EDA: variants seen among roughly 807,000 people sequenced by gnomAD.
EDA encodes the protein ectodysplasin A, also known as ectodysplasin-A.
EDA carries 2 observed loss-of-function variants against 23.6 expected under a neutral mutation model. That is an observed-to-expected ratio of 0.08 (90% confidence interval 0.03 to 0.27). EDA has a LOEUF of 0.27. Among genes scored for constraint, EDA ranks in the 10% least tolerant of loss-of-function variants. EDA has a pLI of 1.00. For synonymous variants in EDA, 131 were observed against 132.0 expected, an observed-to-expected ratio of 0.99 and a Z score of 0.05; for missense variants, 229 against 324.2, an observed-to-expected ratio of 0.71 and a Z score of 2.26.
At chrX:69,728,243 CAA>C (rs71895672) in intron 1 of EDA, among the ~76,000 whole-genome samples, 2 of 92,083 alleles carry the variant, frequency 2.2e-5, no homozygotes, top group African/African-American at 8.0e-5. Context: ...GACTCCATCT[CAA>C]AAAAAAAAAA....
intron 6 of EDA, among the ~76,000 whole-genome samples, chrX:70,031,378 TC>T (rs1477374344): frequency 9.0e-6 from 1 of 111,583 alleles, no homozygotes; most frequent in East Asian, 2.8e-4. Flanking sequence ...TTCATTTTCT[TC>T]CCCCAAAGAA....
intron 1 of EDA, among the ~76,000 whole-genome samples, chrX:69,666,226 T>C (rs892367682): frequency 1.7e-4 from 19 of 112,421 alleles, no homozygotes; most frequent in Middle Eastern, 4.2e-3. Flanking sequence ...ACATATAAGA[T>C]CATCTCATCT....
At chrX:69,699,777 G>A (rs753392992) in intron 1 of EDA, among the ~76,000 whole-genome samples, 106 of 110,494 alleles carry the variant, frequency 9.6e-4, no homozygotes, top group African/African-American at 2.8e-3. Flanking sequence ...AGAGCCTTAC[G>A]GAGTAGACGG....
chrX:69,834,048 C>T (rs760765758), intron 1 of EDA, among the ~76,000 whole-genome samples: 6 of 104,514 alleles, frequency 5.7e-5, no homozygotes, highest in Admixed American at 1.1e-4. Context: ...TGAGAACATA[C>T]GATGTTTGGT....
chrX:69,996,512 T>C (rs745848129), intron 2 of EDA, among the ~76,000 whole-genome samples: 2 of 112,364 alleles, frequency 1.8e-5, no homozygotes, highest in Non-Finnish European at 3.8e-5. Context: ...TACATCCCCA[T>C]AAGAGGTCCA....
intron 2 of EDA, among the ~76,000 whole-genome samples, chrX:70,000,945 G>T (rs2019732489): frequency 8.9e-6 from 1 of 111,751 alleles, no homozygotes; most frequent in Admixed American, 9.6e-5. Context: ...ACAAAGTTCT[G>T]CTGAGTATAA....
At chrX:69,712,187 A>G (rs1222675157) in intron 1 of EDA, among the ~76,000 whole-genome samples, 1 of 110,714 alleles carries the variant, frequency 9.0e-6, no homozygotes, top group Non-Finnish European at 1.9e-5. Flanking sequence ...AGATTCTGGT[A>G]TGTTTTGTCT....
chrX:69,657,121 G>A (rs927670954), intron 1 of EDA, among the ~76,000 whole-genome samples: 5 of 112,051 alleles, frequency 4.5e-5, no homozygotes, highest in South Asian at 3.7e-4. Flanking sequence ...CACCAACAGT[G>A]TATAAGTGTT....
In EDA at chrX:69,631,600, A is replaced by G. The variant is rs996326240; in HGVS notation, c.396+14896A>G. Among the ~76,000 whole-genome samples the G allele has an allele frequency of 5.7e-5, 6 of 105,888 alleles. No individual in the cohort carries two copies. In the South Asian group the frequency reaches 2.6e-3, roughly 45 times the overall value. The allele number at this position is 105,888 out of a possible 115,157, so 92.0% of individuals were successfully genotyped here. A position where few individuals can be genotyped will look rare whatever the true frequency, so the allele number is the denominator to read the frequency against. ...ACTGCACATTCCTACCTTCATTGCC[A>G]CTGTGTCATTCCCCCTGTTAAAATC... On this transcript the variant is annotated intron_variant, in intron 1 of 7. Coordinates refer to ENST00000374552, the MANE Select transcript of EDA (RefSeq NM_001399.5).
chrX:69,783,020 G>C (rs989294942), intron 1 of EDA, among the ~76,000 whole-genome samples: 1 of 111,764 alleles, frequency 8.9e-6, no homozygotes, highest in African/African-American at 3.2e-5. Flanking sequence ...CAGAATGTGA[G>C]TCTTGTTTTG....
intron 1 of EDA, among the ~76,000 whole-genome samples, chrX:69,703,468 A>G (rs1416062471): frequency 8.9e-6 from 1 of 112,002 alleles, no homozygotes; most frequent in Non-Finnish European, 1.9e-5. Flanking sequence ...ATCTGTTCTA[A>G]TCCCGAGAGC....
intron 1 of EDA, among the ~76,000 whole-genome samples, chrX:69,944,804 A>G (rs2018811243): frequency 8.9e-6 from 1 of 111,754 alleles, no homozygotes; most frequent in African/African-American, 3.3e-5. Flanking sequence ...TAGAACCCCA[A>G]AGCACTTTAG....
chrX:69,654,402 A>G (rs1228104658), intron 1 of EDA, among the ~76,000 whole-genome samples: 1 of 111,315 alleles, frequency 9.0e-6, no homozygotes, highest in South Asian at 3.8e-4. Flanking sequence ...TTCCTCAGGG[A>G]TCTAGAACTA....
intron 1 of EDA, among the ~76,000 whole-genome samples, chrX:69,694,957 C>T (rs753908815): frequency 1.6e-4 from 18 of 112,093 alleles, no homozygotes; most frequent in African/African-American, 4.9e-4. Context: ...TCTGGAAAAT[C>T]CCAAAGTTAA....
intron 1 of EDA, among the ~76,000 whole-genome samples, chrX:69,852,094 C>T (rs1264851178): frequency 9.0e-6 from 1 of 111,675 alleles, no homozygotes; most frequent in Non-Finnish European, 1.9e-5. Context: ...CTTTGTGTGC[C>T]CTCCTTCACG....
intron 1 of EDA, among the ~76,000 whole-genome samples, chrX:69,862,129 G>A (rs2017396137): frequency 9.0e-6 from 1 of 111,413 alleles, no homozygotes; most frequent in African/African-American, 3.3e-5. Flanking sequence ...AGATTTGACT[G>A]GGGCTAGAGG....
At chrX:69,712,523 AC>A (rs1293470811) in intron 1 of EDA, among the ~76,000 whole-genome samples, 1 of 111,511 alleles carries the variant, frequency 9.0e-6, no homozygotes, top group Non-Finnish European at 1.9e-5. Flanking sequence ...ACCATCTCAC[AC>A]CAATTAGAAT....
At chrX:69,929,834 A>G (rs774415087) in intron 1 of EDA, among the ~76,000 whole-genome samples, 3 of 108,123 alleles carry the variant, frequency 2.8e-5, no homozygotes, top group South Asian at 8.3e-4. Context: ...CACTCCTGCC[A>G]TGGGGAGACG....
At chrX:69,715,000 G>A (rs180974229) in intron 1 of EDA, among the ~76,000 whole-genome samples, 21 of 107,355 alleles carry the variant, frequency 2.0e-4, no homozygotes, top group Admixed American at 7.0e-4. Flanking sequence ...TTACAATGTT[G>A]TCTTCCAATC....
Sources: gnomAD v4.1 joint callset for allele counts (sites outside exome capture counted in the v4.1 genomes callset) on GRCh38, gnomAD v4.1.1 for gene constraint, MANE v1.5 for transcripts, NCBI Gene and HGNC (gene_info 2026-07-23, HGNC 2026-07-21) for gene names.